BCLAF1: variants seen among roughly 807,000 people sequenced by gnomAD.
BCLAF1 encodes the protein BCL2 associated transcription factor 1.
BCLAF1 carries 10 observed loss-of-function variants against 99.5 expected under a neutral mutation model. The ratio of observed to expected loss-of-function variants is 0.10; its 90% CI spans 0.06 to 0.17. The LOEUF is 0.17. Ranked by LOEUF, BCLAF1 falls within the 10% of genes least tolerant of loss-of-function variation. The probability of loss-of-function intolerance (pLI) is 1.00; values close to 1 mark genes in which losing one functional copy is unlikely to be tolerated. For synonymous variants in BCLAF1, 255 were observed against 370.9 expected, an observed-to-expected ratio of 0.69 and a Z score of 3.59; for missense variants, 636 against 1,105.8, an observed-to-expected ratio of 0.58 and a Z score of 6.02.
At chr6:136,289,447 C>T (rs908005990) in intron 1 of BCLAF1, among the ~76,000 whole-genome samples, 2 of 152,130 alleles carry the variant, frequency 1.3e-5, no homozygotes, top group Non-Finnish European at 1.5e-5. Context: ...CACGGGAGGC[C>T]GCGCGGGCTG....
intron 11 of BCLAF1, among the ~76,000 whole-genome samples, chr6:136,262,182 C>T (rs989398824): frequency 6.6e-6 from 1 of 152,000 alleles, no homozygotes; most frequent in Non-Finnish European, 1.5e-5. Flanking sequence ...TTCTATTAAG[C>T]AAAACAATCT....
chr6:136,277,740 A>G, intron 4 of BCLAF1, 125 bp downstream of exon 4: 2 of 1,157,104 alleles, frequency 1.7e-6, no homozygotes, highest in Non-Finnish European at 2.3e-6. Flanking sequence ...TTATCTTAAA[A>G]TGAAGGAAGT....
Position 136,267,104 on chromosome 6 carries a change from A to G in BCLAF1, c.2469T>C (p.Asn823=), listed in dbSNP as rs760037324. The G allele has an allele frequency of 6.8e-6, 11 of 1,613,212 alleles. No individual in the cohort carries two copies. The highest frequency in any genetic ancestry group is 1.7e-4 in the Middle Eastern group (1 of 6,056). ...AGTNTGPNNS[N]TTFQKRPKEE... ...CCTTCGGTCTCTTTTGAAAAGTAGT[A>G]TTTGAGTTGTTTGGACCAGTATTTG... The change falls in exon 11 of 13, where the codon AAT becomes AAC. Residue 823 remains asparagine, a synonymous_variant. Transcript: ENST00000531224.
rs1184257308 is a variant in BCLAF1 at position 136,256,814 on chromosome 6, T to C, written c.*4296A>G. 3.3e-5 allele frequency: 5 copies of C among 152,204 alleles called. No individual in the cohort carries two copies. The highest frequency in any genetic ancestry group is 3.8e-4 in the East Asian group (2 of 5,208). 9.4% of individuals were successfully genotyped at this position (152,204 alleles called of 1,614,324 possible). Reference sequence around the variant, plus strand: ...TTCTAGTACAAATGAGACTGAAAAATTATTTTCCATAGTGAAGGACTCAAG... The same window carrying C: ...TTCTAGTACAAATGAGACTGAAAAACTATTTTCCATAGTGAAGGACTCAAG... On this transcript the variant is annotated 3_prime_UTR_variant, in exon 13 of 13. Transcript: ENST00000531224.
chr6:136,271,447 G>A (rs1050597645), intron 8 of BCLAF1, among the ~76,000 whole-genome samples: 5 of 151,706 alleles, frequency 3.3e-5, no homozygotes, highest in African/African-American at 9.7e-5. Context: ...ATCTTTCACA[G>A]GCTCCTCTCT....
chr6:136,288,401 C>G (rs1419862910), intron 1 of BCLAF1, among the ~76,000 whole-genome samples: 1 of 152,162 alleles, frequency 6.6e-6, no homozygotes, highest in African/African-American at 2.4e-5. Flanking sequence ...TGGTCATGAT[C>G]AAACAAAAAT....
chr6:136,268,573 C>G (rs149338306), intron 9 of BCLAF1: 1 of 423,650 alleles, frequency 2.4e-6, no homozygotes, highest in African/African-American at 2.0e-5. Flanking sequence ...AAATAGTAGT[C>G]TGTAAAGGTC....
intron 5 of BCLAF1, 29 bp downstream of exon 5, chr6:136,275,814 T>C: frequency 6.3e-7 from 1 of 1,594,068 alleles, no homozygotes; most frequent in East Asian, 2.2e-5. Flanking sequence ...TGCCCACAGA[T>C]TATTTACTGG....
chr6:136,282,418 A>G (rs1017761211), intron 2 of BCLAF1, among the ~76,000 whole-genome samples, 166 bp downstream of exon 2: 2 of 152,148 alleles, frequency 1.3e-5, no homozygotes, highest in Non-Finnish European at 1.5e-5. Context: ...CTTTTTCCTA[A>G]AACTAACTTA....
chr6:136,273,252 C>T, intron 6 of BCLAF1, 65 bp from the exon 7 acceptor site: 1 of 1,369,218 alleles, frequency 7.3e-7, no homozygotes, highest in Non-Finnish European at 1.0e-6. Context: ...TTGTTTGTGA[C>T]AGAAGGGCAT....
intron 3 of BCLAF1, 32 bp downstream of exon 3, chr6:136,279,727 ATAAT>A: frequency 1.3e-6 from 2 of 1,495,840 alleles, no homozygotes; most frequent in South Asian, 2.8e-5. Flanking sequence ...ATTAACTGAT[ATAAT>A]TATTTTAAAA....
Position 136,260,865 on chromosome 6 carries a change from A to C in BCLAF1, c.*245T>G, listed in dbSNP as rs550650804. ...TACAATGCATGTAACAAAAACGTTA[A>C]AAGTTTTAAAAGTTGATAGTTACAA... On this transcript the variant is annotated 3_prime_UTR_variant, in exon 13 of 13. Transcript: ENST00000531224. 6 of 484,862 alleles carry C rather than the reference A, an allele frequency of 1.2e-5. No individual in the cohort carries two copies. In the Admixed American group the frequency reaches 2.0e-4, roughly 16 times the overall value. The allele number at this position is 484,862 out of a possible 1,614,324, so 30.0% of individuals were successfully genotyped here. A position where few individuals can be genotyped will look rare whatever the true frequency, so the allele number is the denominator to read the frequency against.
At chr6:136,288,672 T>TA (rs889921138) in intron 1 of BCLAF1, among the ~76,000 whole-genome samples, 6 of 152,202 alleles carry the variant, frequency 3.9e-5, no homozygotes, top group Admixed American at 1.3e-4. Context: ...AAATGCTTTT[T>TA]AAAAAAGTCT....
At position 136,259,946 on chromosome 6, in the gene BCLAF1, A is replaced by G. The variant is rs1187662125; in HGVS notation, c.*1164T>C. The G allele has an allele frequency of 6.6e-6, 1 of 152,066 alleles. No individual in the cohort carries two copies. The highest frequency in any genetic ancestry group is 1.9e-4 in the East Asian group (1 of 5,200). 9.4% of individuals were successfully genotyped at this position (152,066 alleles called of 1,614,324 possible). ...ATAATTCACATTTGAAAAATTATCTACCTGAAGAATAGAACTCTTAAGAGG... is the reference window on the plus strand; with the variant it reads ...ATAATTCACATTTGAAAAATTATCTGCCTGAAGAATAGAACTCTTAAGAGG... On this transcript the variant is annotated 3_prime_UTR_variant, in exon 13 of 13. Coordinates refer to ENST00000531224, the MANE Select transcript of BCLAF1 (RefSeq NM_014739.3).
At chr6:136,264,000 A>G (rs1475944126) in intron 11 of BCLAF1, among the ~76,000 whole-genome samples, 3 of 152,194 alleles carry the variant, frequency 2.0e-5, no homozygotes, top group Non-Finnish European at 2.9e-5. Context: ...CTGACTCTGG[A>G]GCCCAATGCA....
Position 136,278,188 on chromosome 6 carries a change from A to G in BCLAF1, c.693T>C (p.Pro231=), listed in dbSNP as rs1265864468. The change falls in exon 4 of 13, where the codon CCT becomes CCC. Residue 231 remains proline (P), a synonymous_variant. Coordinates refer to ENST00000531224, the MANE Select transcript of BCLAF1 (RefSeq NM_014739.3). ...NSPRSPHSPS[P]IATPPSQSSS... Reference sequence around the variant, plus strand: ...AACTCTGACTAGGTGGTGTAGCAATAGGTGAAGGACTATGGGGTGATCTAG... The same window carrying G: ...AACTCTGACTAGGTGGTGTAGCAATGGGTGAAGGACTATGGGGTGATCTAG... The G allele has an allele frequency of 6.2e-7, 1 of 1,613,926 alleles. No individual in the cohort carries two copies. Among genetic ancestry groups the G allele is most frequent in the South Asian group, 1.1e-5 (1 of 91,078 alleles).
rs1780642722 is a variant in BCLAF1 at position 136,258,818 on chromosome 6, T to A, written c.*2292A>T. Reference sequence around the variant, plus strand: ...ATTTTGCTTTTAGTATAAAAATTCCTAGGATGCTGAAAGGTACACATACAC... The same window carrying A: ...ATTTTGCTTTTAGTATAAAAATTCCAAGGATGCTGAAAGGTACACATACAC... On this transcript the variant is annotated 3_prime_UTR_variant, in exon 13 of 13. Transcript: ENST00000531224. 6.6e-6 allele frequency: 1 copy of A among 152,500 alleles called. No homozygotes were observed. Among genetic ancestry groups the A allele is most frequent in the Non-Finnish European group, 1.5e-5 (1 of 67,916 alleles). 9.4% of individuals were successfully genotyped at this position (152,500 alleles called of 1,614,324 possible).
In BCLAF1 at chr6:136,272,142, C is replaced by T. The variant is rs976403380; in HGVS notation, c.1959-63G>A. 3.5e-6 allele frequency: 4 copies of T among 1,127,818 alleles called. No individual in the cohort carries two copies. In the African/African-American group the frequency reaches 4.8e-5, roughly 14 times the overall value. 69.9% of individuals were successfully genotyped at this position (1,127,818 alleles called of 1,614,324 possible). A position where few individuals can be genotyped will look rare whatever the true frequency, so the allele number is the denominator to read the frequency against. ...TAACTTTTTGGTTCAAAAACATCCA[C>T]ACGATTATCCATTTTCCTAAGACAG... On this transcript the variant is annotated intron_variant, in intron 7 of 12. Transcript: ENST00000531224.
rs1053658531 is a variant in BCLAF1, at chr6:136,276,203, T to C, written c.1322A>G (p.Lys441Arg). ...TEEEGLKYKS[K>R]VSLKGNRESD... is the part of the protein sequence containing the mutation. Reference sequence around the variant, plus strand: ...TTCTCTATTGCCTTTCAGTGAAACTTTGGACTTGTACTTGAGTCCTTCCTC... The same window carrying C: ...TTCTCTATTGCCTTTCAGTGAAACTCTGGACTTGTACTTGAGTCCTTCCTC... Residue 441 changes from lysine (K) to arginine (R), a missense_variant, in exon 5 of 13, where the codon AAA (lysine) becomes AGA (arginine). By Grantham distance (26) the Lys-to-Arg change is conservative (BLOSUM62 2). Around this residue, in one of 9 missense-constraint regions of BCLAF1, gnomAD observed 186 missense variants for 275.3 expected, o/e 0.68. Coordinates refer to ENST00000531224, the MANE Select transcript of BCLAF1 (RefSeq NM_014739.3). The C allele has an allele frequency of 5.0e-6, 8 of 1,611,046 alleles. No individual in the cohort carries two copies. The highest frequency in any genetic ancestry group is 2.7e-5 in the African/African-American group (2 of 74,558).
Sources: allele counts gnomAD v4.1 joint callset (sites outside exome capture counted in the v4.1 genomes callset), GRCh38; gene constraint gnomAD v4.1.1; regional missense constraint gnomAD v4.1.1; transcripts MANE v1.5; gene names NCBI Gene and HGNC (gene_info 2026-07-23, HGNC 2026-07-21).